The following CABIN1 variants were observed in gnomAD, a reference collection of about 807,000 sequenced individuals.
CABIN1 encodes the protein calcineurin-binding protein cabin-1.
In CABIN1, 133 loss-of-function variants were observed where a neutral mutation model predicts 227.7. That is an observed-to-expected ratio of 0.58 (90% CI 0.51 to 0.67). The LOEUF (loss-of-function observed/expected upper bound fraction) is 0.67. Among genes scored for constraint, CABIN1 ranks in the 30% least tolerant of loss-of-function variants. The probability of loss-of-function intolerance (pLI) is 0.00; values close to 1 mark genes in which losing one functional copy is unlikely to be tolerated. For missense variants in CABIN1, 2,408 were observed against 2,852.5 expected (o/e 0.84, Z 3.55); for synonymous variants, 1,086 against 1,155.1 (o/e 0.94, Z 1.21).
chr22:24,146,715 C>T (rs114681049), intron 29 of CABIN1, among the ~76,000 whole-genome samples: 1,948 of 152,366 alleles, frequency 0.013, 36 homozygotes, highest in African/African-American at 0.045. Context: ...TTTAGACCAT[C>T]GTTCCTGGTA....
At chr22:24,071,140 G>T in intron 17 of CABIN1, 98 bp downstream of exon 17, 3 of 1,518,240 alleles carry the variant, frequency 2.0e-6, no homozygotes, top group South Asian at 2.3e-5. Context: ...TGCTAATTAG[G>T]CACCCAAAGG....
intron 1 of CABIN1, among the ~76,000 whole-genome samples, chr22:24,026,326 G>A (rs1189494178): frequency 6.6e-6 from 1 of 152,116 alleles, no homozygotes; most frequent in East Asian, 1.9e-4. Flanking sequence ...CTAGTTTACT[G>A]GTTGTTTTGG....
intron 23 of CABIN1, among the ~76,000 whole-genome samples, chr22:24,088,547 G>T (rs2041329500): frequency 1.3e-5 from 2 of 152,056 alleles, no homozygotes; most frequent in Non-Finnish European, 1.5e-5. Flanking sequence ...GGCAGAGGTT[G>T]CAGGGAGCTG....
At position 24,147,673 on chromosome 22, in the gene CABIN1, G is replaced by T. The variant is rs998825117; in HGVS notation, c.4746+13258G>T. ...TGCCCAGGATGGTGTCAAACTCCTG[G>T]GCTCAAGCAATACTTCTTCCTTAGC... On this transcript the variant is annotated intron_variant, in intron 29 of 36. Coordinates refer to ENST00000263119, the MANE Select transcript of CABIN1 (RefSeq NM_012295.4). Among the ~76,000 whole-genome samples the T allele has an allele frequency of 4.6e-5, 7 of 151,870 alleles. No individual in the cohort carries two copies. The East Asian group carries it at 1.4e-3, about 30-fold the overall frequency.
chr22:24,097,738 CTT>C (rs1305281792), intron 25 of CABIN1, among the ~76,000 whole-genome samples: 4 of 152,242 alleles, frequency 2.6e-5, no homozygotes, highest in Non-Finnish European at 5.9e-5. Context: ...AAGAAAGACT[CTT>C]TGGCTCCTCT....
chr22:24,031,107 C>A (rs2146836172), intron 1 of CABIN1, among the ~76,000 whole-genome samples: 1 of 152,332 alleles, frequency 6.6e-6, no homozygotes, highest in East Asian at 1.9e-4. Context: ...GAGACCTGAT[C>A]CTTCAGCCAT....
At position 24,134,424 on chromosome 22, in the gene CABIN1, T is replaced by C. The variant is rs2044266559; in HGVS notation, c.4746+9T>C. On this transcript the variant is annotated intron_variant, in intron 29 of 36. Transcript: ENST00000263119. ...AGACCAATTTCTTCAACGTGAGTAC[T>C]TTGCCTTGTTGATTTCCAAGGCTGT... 6.2e-7 allele frequency: 1 copy of C among 1,604,398 alleles called. No individual in the cohort carries two copies. Among genetic ancestry groups the C allele is most frequent in the Admixed American group, 1.7e-5 (1 of 59,958 alleles).
chr22:24,107,552 G>A (rs1252110765), intron 26 of CABIN1, among the ~76,000 whole-genome samples: 2 of 152,156 alleles, frequency 1.3e-5, no homozygotes, highest in African/African-American at 4.8e-5. Flanking sequence ...GTTCTTCAGG[G>A]AGCAGAAGCC....
chr22:24,104,303 A>G lies in CABIN1; in HGVS notation c.4117+6111A>G, dbSNP rs1193850679. Among the ~76,000 whole-genome samples, 2 of 152,154 alleles carry G rather than the reference A, an allele frequency of 1.3e-5. 1 individual carries two copies. The highest frequency in any genetic ancestry group is 4.1e-4 in the South Asian group (2 of 4,834). On this transcript the variant is annotated intron_variant, in intron 26 of 36. Transcript: ENST00000263119. The stretch of plus-strand genomic sequence containing the variant: ...CGCTTCTTCTGGCATTTGTATCAAG[A>G]GGGGCTGTTCACCTGCCTTTGGTCA...
intron 1 of CABIN1, among the ~76,000 whole-genome samples, chr22:24,019,475 G>C (rs952720737): frequency 1.3e-5 from 2 of 150,988 alleles, no homozygotes; most frequent in African/African-American, 2.4e-5. Context: ...GGATGGTCTC[G>C]AACTGCTGAC....
At chr22:24,077,411 G>C (rs147501317) in intron 19 of CABIN1, among the ~76,000 whole-genome samples, 199 of 152,316 alleles carry the variant, frequency 1.3e-3, no homozygotes, top group African/African-American at 4.6e-3. Context: ...TAGAGCTCAT[G>C]TATGTATAGA....
intron 1 of CABIN1, among the ~76,000 whole-genome samples, chr22:24,021,596 G>T (rs1258504210): frequency 6.6e-6 from 1 of 152,172 alleles, no homozygotes; most frequent in Admixed American, 6.5e-5. Flanking sequence ...TGCCATACTT[G>T]GTGCGTGATC....
intron 29 of CABIN1, among the ~76,000 whole-genome samples, chr22:24,138,297 C>G (rs1443177972): frequency 6.6e-6 from 1 of 152,222 alleles, no homozygotes; most frequent in Non-Finnish European, 1.5e-5. Flanking sequence ...TGCTGTGTCA[C>G]CTAGGCCCTT....
At chr22:24,102,385 C>T (rs182876961) in intron 26 of CABIN1, 1 of 152,226 alleles carries the variant, frequency 6.6e-6, no homozygotes, top group Admixed American at 6.5e-5. Context: ...CCTCAGAGCT[C>T]GGAGGCCTTG....
At chr22:24,102,761 A>G (rs1477056617) in intron 26 of CABIN1, among the ~76,000 whole-genome samples, 1 of 152,098 alleles carries the variant, frequency 6.6e-6, no homozygotes, top group Non-Finnish European at 1.5e-5. Flanking sequence ...GGTATCCACC[A>G]AGGGTGGTGA....
At chr22:24,159,078 A>G (rs956896825) in intron 29 of CABIN1, among the ~76,000 whole-genome samples, 2 of 152,258 alleles carry the variant, frequency 1.3e-5, no homozygotes, top group Non-Finnish European at 2.9e-5. Context: ...TCTTCCCCCC[A>G]GGGGCTTCAG....
At chr22:24,115,606 G>T (rs1274923351) in intron 27 of CABIN1, among the ~76,000 whole-genome samples, 1 of 152,208 alleles carries the variant, frequency 6.6e-6, no homozygotes, top group East Asian at 1.9e-4. Context: ...AGTTCTGGGA[G>T]CAGAGCACTC....
chr22:24,046,652 T>A (rs1186007406), intron 6 of CABIN1, among the ~76,000 whole-genome samples: 1 of 152,150 alleles, frequency 6.6e-6, no homozygotes, highest in Non-Finnish European at 1.5e-5. Context: ...ACAGAACCAA[T>A]AGGATGTATG....
At chr22:24,075,048 T>A (rs893472699) in intron 18 of CABIN1, among the ~76,000 whole-genome samples, 12 of 151,870 alleles carry the variant, frequency 7.9e-5, no homozygotes, top group African/African-American at 2.7e-4. Flanking sequence ...AAATAAAATT[T>A]AAAAAATTAG....
Sources: gnomAD v4.1 joint callset for allele counts (sites outside exome capture counted in the v4.1 genomes callset) on GRCh38, gnomAD v4.1.1 for gene constraint, MANE v1.5 for transcripts, NCBI Gene and HGNC (gene_info 2026-07-23, HGNC 2026-07-21) for gene names.